Variants in MAP2K4 observed in about 807,000 individuals in gnomAD.
MAP2K4 encodes the protein dual specificity mitogen-activated protein kinase kinase 4.
In MAP2K4, 4 loss-of-function variants were observed where a neutral mutation model predicts 48.5. The ratio of observed to expected loss-of-function variants is 0.08; its 90% CI spans 0.04 to 0.19. The LOEUF is 0.19. Ranked by LOEUF, MAP2K4 falls within the 10% of genes least tolerant of loss-of-function variation. The pLI is 1.00. For missense variants in MAP2K4, 258 were observed against 493.3 expected (o/e 0.52, Z 4.52); for synonymous variants, 166 against 173.1 (o/e 0.96, Z 0.32).
intron 2 of MAP2K4, among the ~76,000 whole-genome samples, chr17:12,058,311 C>A (rs531477418): frequency 6.6e-6 from 1 of 151,630 alleles, no homozygotes; most frequent in African/African-American, 2.4e-5. Flanking sequence ...GGGATCCTCC[C>A]GCCTCAGCCT....
chr17:12,032,798 T>A (rs1368849647), intron 1 of MAP2K4, among the ~76,000 whole-genome samples: 3 of 152,202 alleles, frequency 2.0e-5, no homozygotes, highest in Admixed American at 6.5e-5. Flanking sequence ...AGTCTTCATA[T>A]AATACAAAAC....
At chr17:12,022,245 C>T (rs554295019) in intron 1 of MAP2K4, among the ~76,000 whole-genome samples, 3 of 152,160 alleles carry the variant, frequency 2.0e-5, no homozygotes, top group African/African-American at 4.8e-5. Context: ...TCCCTGTCAC[C>T]CTCCCCATGA....
intron 3 of MAP2K4, 198 bp from the exon 4 acceptor site, chr17:12,095,377 T>C: frequency 1.6e-6 from 1 of 619,618 alleles, no homozygotes. Flanking sequence ...GATTTCTAAG[T>C]GCTGTTTGTT....
chr17:12,094,316 A>G (rs2151560412), intron 3 of MAP2K4, among the ~76,000 whole-genome samples: 1 of 152,344 alleles, frequency 6.6e-6, no homozygotes, highest in Admixed American at 6.5e-5. Flanking sequence ...TGAAACGGAG[A>G]GAACCTACTT....
intron 3 of MAP2K4, among the ~76,000 whole-genome samples, chr17:12,092,185 A>G (rs1971584838): frequency 6.6e-6 from 1 of 152,194 alleles, no homozygotes; most frequent in Admixed American, 6.5e-5. Flanking sequence ...TCAAGTAAAC[A>G]GCCTTATCTA....
chr17:12,096,080 C>A (rs1432041003), intron 4 of MAP2K4, among the ~76,000 whole-genome samples: 4 of 41,652 alleles, frequency 9.6e-5, no homozygotes, highest in Non-Finnish European at 2.7e-4. Flanking sequence ...CCCCCCCCCC[C>A]CCCCCCCCGC....
intron 2 of MAP2K4, among the ~76,000 whole-genome samples, chr17:12,056,533 T>A (rs927472331): frequency 2.0e-5 from 3 of 152,108 alleles, no homozygotes; most frequent in Non-Finnish European, 4.4e-5. Flanking sequence ...TATTTAAAAT[T>A]TGAAAGGACA....
chr17:12,086,466 G>A (rs1023552752), intron 3 of MAP2K4, among the ~76,000 whole-genome samples: 2 of 152,122 alleles, frequency 1.3e-5, no homozygotes, highest in African/African-American at 4.8e-5. Context: ...TTGTTTTGCT[G>A]TCACTCCAAG....
rs906100668 is a variant in MAP2K4 at position 12,021,753 on chromosome 17, A to G, written c.115+752A>G. The stretch of plus-strand genomic sequence containing the variant: ...CAGGAAGAAAAAAAAAAAAAAAAAA[A>G]AAGAAGACTTAATTTGGTTTAAATG... On this transcript the variant is annotated intron_variant, in intron 1 of 10. Coordinates refer to ENST00000353533, the MANE Select transcript of MAP2K4 (RefSeq NM_003010.4). Among the ~76,000 whole-genome samples the G allele has an allele frequency of 5.0e-3, 765 of 151,904 alleles. 6 individuals carry two copies. The highest frequency in any genetic ancestry group is 0.017 in the African/African-American group (722 of 41,398).
intron 1 of MAP2K4, among the ~76,000 whole-genome samples, chr17:12,043,134 A>T (rs984836424): frequency 2.0e-5 from 3 of 152,134 alleles, no homozygotes; most frequent in African/African-American, 7.2e-5. Context: ...ATATTTTCAT[A>T]CCTGTTTGTA....
intron 1 of MAP2K4, among the ~76,000 whole-genome samples, chr17:12,045,068 G>A (rs963139441): frequency 2.0e-5 from 3 of 152,192 alleles, no homozygotes; most frequent in Non-Finnish European, 2.9e-5. Context: ...GAGTACTTAC[G>A]TGTCAGCTGA....
chr17:12,040,823 A>G (rs896559565), intron 1 of MAP2K4, among the ~76,000 whole-genome samples: 1 of 152,226 alleles, frequency 6.6e-6, no homozygotes, highest in Non-Finnish European at 1.5e-5. Flanking sequence ...TGACCAGTGT[A>G]TTGTTGTCCA....
intron 3 of MAP2K4, among the ~76,000 whole-genome samples, chr17:12,088,564 A>G (rs1290041535): frequency 3.8e-5 from 1 of 26,022 alleles, no homozygotes; most frequent in Non-Finnish European, 7.0e-4. Flanking sequence ...TATAATATAT[A>G]TTAAATATAT....
At chr17:12,109,681 CAA>C (rs1367120881) in intron 5 of MAP2K4, among the ~76,000 whole-genome samples, 2 of 152,150 alleles carry the variant, frequency 1.3e-5, no homozygotes, top group African/African-American at 4.8e-5. Flanking sequence ...GCTTAGCATC[CAA>C]TGAGGGTGGA....
intron 2 of MAP2K4, among the ~76,000 whole-genome samples, chr17:12,068,472 A>G (rs945073354): frequency 6.6e-6 from 1 of 152,198 alleles, no homozygotes; most frequent in African/African-American, 2.4e-5. Flanking sequence ...TATTAAATTG[A>G]TGACAGTACA....
intron 4 of MAP2K4, among the ~76,000 whole-genome samples, chr17:12,103,551 A>G (rs1972009345): frequency 6.6e-6 from 1 of 151,978 alleles, no homozygotes; most frequent in South Asian, 2.1e-4. Context: ...AGCTACCCAA[A>G]TCCTATATTG....
At chr17:12,048,682 G>A (rs893884483) in intron 1 of MAP2K4, among the ~76,000 whole-genome samples, 1 of 151,934 alleles carries the variant, frequency 6.6e-6, no homozygotes, top group African/African-American at 2.4e-5. Flanking sequence ...TTGAGACGCA[G>A]TTTCACTCTT....
chr17:12,081,653 C>A lies in MAP2K4; in HGVS notation c.393+123C>A. The A allele has an allele frequency of 1.1e-6, 1 of 930,368 alleles. No homozygotes were observed. The highest frequency in any genetic ancestry group is 1.6e-6 in the Non-Finnish European group (1 of 615,010). 57.6% of individuals were successfully genotyped at this position (930,368 alleles called of 1,614,324 possible). A position where few individuals can be genotyped will look rare whatever the true frequency, so the allele number is the denominator to read the frequency against. On this transcript the variant is annotated intron_variant, in intron 3 of 10. Transcript: ENST00000353533. This position sits in a 1 kb window ranked among gnomAD's most constrained non-coding sequence, Gnocchi z 4.2. ...AATGTGGGTGTTTAAAAAATTGTTT[C>A]TCCAACTCCTTTGAGGGTGTTCTGT...
chr17:12,021,017 G>C lies in MAP2K4; in HGVS notation c.115+16G>C. The C allele has an allele frequency of 1.7e-6, 2 of 1,196,736 alleles. No individual in the cohort carries two copies. The highest frequency in any genetic ancestry group is 2.1e-6 in the Non-Finnish European group (2 of 962,102). 74.1% of individuals were successfully genotyped at this position (1,196,736 alleles called of 1,614,324 possible). A position where few individuals can be genotyped will look rare whatever the true frequency, so the allele number is the denominator to read the frequency against. ...AGCATGCAGGGTAAGGAACGCGGCC[G>C]CGCCGAGATCCCAGCCCCCTAGCGC... On this transcript the variant is annotated intron_variant, in intron 1 of 10. Transcript: ENST00000353533.
Sources: allele counts gnomAD v4.1 joint callset (sites outside exome capture counted in the v4.1 genomes callset), GRCh38; gene constraint gnomAD v4.1.1; non-coding constraint Gnocchi (gnomAD v3.1); transcripts MANE v1.5; gene names NCBI Gene and HGNC (gene_info 2026-07-23, HGNC 2026-07-21).